The following TNFAIP8 variants were observed in gnomAD, a reference collection of about 807,000 sequenced individuals.
The protein encoded by TNFAIP8 is tumor necrosis factor alpha-induced protein 8.
Under a neutral mutation model 13.3 loss-of-function variants are expected in TNFAIP8, and 7 were observed. The observed-to-expected ratio is 0.52, with a 90% CI of 0.30 to 0.99. TNFAIP8 has a LOEUF of 0.99. Among genes scored for constraint, TNFAIP8 ranks in the 50% least tolerant of loss-of-function variants. The pLI, the probability that TNFAIP8 is intolerant of heterozygous loss-of-function variation, is 0.07. For synonymous variants in TNFAIP8, 94 were observed against 87.6 expected (o/e 1.07, Z -0.41); for missense variants, 258 against 236.9 (o/e 1.09, Z -0.58).
chr5:119,292,695 C>A (rs56108000), intron 1 of TNFAIP8, among the ~76,000 whole-genome samples: 3 of 63,434 alleles, frequency 4.7e-5, no homozygotes, highest in African/African-American at 6.3e-5. Context: ...TACACACACA[C>A]ACAATGAAAT....
intron 1 of TNFAIP8, among the ~76,000 whole-genome samples, chr5:119,290,697 G>A (rs978499672): frequency 6.6e-6 from 1 of 152,140 alleles, no homozygotes; most frequent in African/African-American, 2.4e-5. Context: ...ATGAAGAGGC[G>A]AAGATCTGCA....
intron 1 of TNFAIP8, among the ~76,000 whole-genome samples, chr5:119,280,333 A>C (rs1430502901): frequency 1.1e-5 from 1 of 93,328 alleles, no homozygotes; most frequent in Non-Finnish European, 2.2e-5. Context: ...TTACCCATTA[A>C]AAAAAAAAAA....
intron 1 of TNFAIP8, among the ~76,000 whole-genome samples, chr5:119,312,787 C>T (rs1054393774): frequency 4.8e-5 from 7 of 146,356 alleles, no homozygotes; most frequent in Admixed American, 4.1e-4. Flanking sequence ...GATCTACATT[C>T]AGAAGGAAAA....
intron 1 of TNFAIP8, among the ~76,000 whole-genome samples, chr5:119,337,796 A>G (rs1176967276): frequency 6.6e-6 from 1 of 152,184 alleles, no homozygotes; most frequent in African/African-American, 2.4e-5. Context: ...GTGCTCAGTT[A>G]AAGTTGCCAC....
intron 1 of TNFAIP8, among the ~76,000 whole-genome samples, chr5:119,287,287 T>TG (rs1554167956): frequency 7.1e-6 from 1 of 141,438 alleles, no homozygotes; most frequent in Admixed American, 7.4e-5. Context: ...CAAGTTTTTT[T>TG]TTTTTTTTTT....
chr5:119,300,478 T>G (rs1054348927), intron 1 of TNFAIP8, among the ~76,000 whole-genome samples: 1 of 152,234 alleles, frequency 6.6e-6, no homozygotes, highest in African/African-American at 2.4e-5. Context: ...AATGGAATTT[T>G]TTTGCATGTC....
At chr5:119,355,699 T>C, upstream of TNFAIP8, 2 of 272,022 alleles carry the variant, frequency 7.4e-6, no homozygotes, top group Non-Finnish European at 6.8e-6. Flanking sequence ...TTTTTATACC[T>C]TTTTTTCCGC....
At chr5:119,364,458 C>T (rs545649836) in intron 1 of TNFAIP8, among the ~76,000 whole-genome samples, 6 of 152,242 alleles carry the variant, frequency 3.9e-5, no homozygotes, top group African/African-American at 1.2e-4. Context: ...AGCAATCTTC[C>T]TACCTTACCC....
At chr5:119,333,087 C>T (rs1336289582) in intron 1 of TNFAIP8, 4 of 587,960 alleles carry the variant, frequency 6.8e-6, no homozygotes, top group South Asian at 7.4e-5. Context: ...TGAATGGGGC[C>T]TCTCCCTTTT....
intron 1 of TNFAIP8, among the ~76,000 whole-genome samples, chr5:119,271,555 C>T (rs190071567): frequency 1.4e-4 from 22 of 152,174 alleles, no homozygotes; most frequent in East Asian, 1.2e-3. Flanking sequence ...CTCCAGGAGA[C>T]GGGAGAAGCA....
At chr5:119,284,226 A>G (rs916163446) in intron 1 of TNFAIP8, among the ~76,000 whole-genome samples, 14 of 152,198 alleles carry the variant, frequency 9.2e-5, no homozygotes, top group Non-Finnish European at 1.6e-4. Context: ...CCATATTGCC[A>G]TAGTTCCTCT....
chr5:119,302,954 C>A (rs1397813470), intron 1 of TNFAIP8, among the ~76,000 whole-genome samples: 1 of 152,158 alleles, frequency 6.6e-6, no homozygotes, highest in Non-Finnish European at 1.5e-5. Flanking sequence ...ATTAGAAGTA[C>A]AATTTCTGCC....
chr5:119,292,931 G>A (rs1462893948), intron 1 of TNFAIP8, among the ~76,000 whole-genome samples: 1 of 151,666 alleles, frequency 6.6e-6, no homozygotes, highest in Non-Finnish European at 1.5e-5. Context: ...GCTGTGGGAT[G>A]ATGAAATGTT....
chr5:119,294,478 G>C (rs1030448791), intron 1 of TNFAIP8, among the ~76,000 whole-genome samples: 2 of 152,074 alleles, frequency 1.3e-5, no homozygotes, highest in African/African-American at 4.8e-5. Flanking sequence ...CCAAGTCTTT[G>C]CTATTCTGAA....
chr5:119,298,900 G>T (rs1023750105), intron 1 of TNFAIP8, among the ~76,000 whole-genome samples: 1 of 147,652 alleles, frequency 6.8e-6, no homozygotes, highest in Non-Finnish European at 1.5e-5. Context: ...TGATCTCATC[G>T]GCTCCTGAGG....
rs183424905 is a variant in TNFAIP8 at position 119,324,136 on chromosome 5, G to A, written c.1+55229G>A. Among the ~76,000 whole-genome samples, 137 of 151,822 alleles carry A rather than the reference G, an allele frequency of 9.0e-4. 1 individual carries two copies. Among genetic ancestry groups the A allele is most frequent in the African/African-American group, 3.3e-3 (135 of 41,394 alleles). On this transcript the variant is annotated intron_variant, in intron 1 of 1. Coordinates refer to the TNFAIP8 transcript ENST00000274456. ...CCAAAAATTCAAAAATTAGCCAGGT[G>A]TGTTGGCCAGTGTCTATAATCCCAG...
intron 1 of TNFAIP8, among the ~76,000 whole-genome samples, chr5:119,308,854 CA>C (rs61628819): frequency 0.077 from 4,491 of 58,124 alleles, 159 homozygotes; most frequent in African/African-American, 0.17. Context: ...GACTCCATCT[CA>C]AAAAAAAAAA....
chr5:119,325,388 A>G (rs1024123000), intron 1 of TNFAIP8, among the ~76,000 whole-genome samples: 19 of 152,186 alleles, frequency 1.2e-4, no homozygotes, highest in African/African-American at 2.4e-5. Context: ...TATGGTCTAC[A>G]TATTCTGGCC....
intron 1 of TNFAIP8, among the ~76,000 whole-genome samples, chr5:119,373,760 C>G (rs114110347): frequency 2.0e-5 from 3 of 152,230 alleles, no homozygotes; most frequent in Non-Finnish European, 4.4e-5. Context: ...AGTATTAAAT[C>G]ATCTTCAGTC....
Sources: allele counts gnomAD v4.1 joint callset (sites outside exome capture counted in the v4.1 genomes callset), GRCh38; gene constraint gnomAD v4.1.1; transcripts MANE v1.5; gene names NCBI Gene and HGNC (gene_info 2026-07-23, HGNC 2026-07-21).